Variants in ARSF observed in about 807,000 individuals in gnomAD.
ARSF encodes arylsulfatase F.
ARSF carries 33 observed loss-of-function variants against 35.4 expected under a neutral mutation model. The observed-to-expected ratio is 0.93, with a 90% CI of 0.71 to 1.25. The LOEUF is 1.25. Ranked by LOEUF, ARSF falls within the 50% of genes most tolerant of loss-of-function variation. ARSF has a pLI of 0.00. For missense variants in ARSF, 501 were observed against 480.2 expected (o/e 1.04, Z -0.40); for synonymous variants, 222 against 193.1 (o/e 1.15, Z -1.24).
intron 7 of ARSF, among the ~76,000 whole-genome samples, chrX:3,091,564 T>G (rs948504224): frequency 8.9e-6 from 1 of 112,732 alleles, no homozygotes; most frequent in Admixed American, 9.4e-5. Flanking sequence ...AGAAAGACGC[T>G]TTGGAAAATT....
At chrX:3,098,604 G>A (rs1316464654) in intron 7 of ARSF, among the ~76,000 whole-genome samples, 3 of 110,944 alleles carry the variant, frequency 2.7e-5, no homozygotes, top group Admixed American at 9.7e-5. Flanking sequence ...GTCTGCCACC[G>A]TGTAAGATGT....
chrX:3,093,425 T>A (rs780214257), intron 7 of ARSF, among the ~76,000 whole-genome samples: 9 of 111,218 alleles, frequency 8.1e-5, no homozygotes, highest in Non-Finnish European at 1.7e-4. Context: ...CCTTCTCCCC[T>A]TTTGGAGTCC....
chrX:3,086,379 A>G (rs940867187), intron 6 of ARSF, among the ~76,000 whole-genome samples: 3 of 112,502 alleles, frequency 2.7e-5, no homozygotes, highest in African/African-American at 9.7e-5. Flanking sequence ...ACAATAACAC[A>G]ATATTGAATG....
chrX:3,093,161 T>A (rs185191412), intron 7 of ARSF, among the ~76,000 whole-genome samples: 5 of 111,340 alleles, frequency 4.5e-5, no homozygotes, highest in Non-Finnish European at 7.5e-5. Flanking sequence ...CGAGACTCCG[T>A]CTCAAAAGAA....
chrX:3,046,744 A>C (rs1254510800), intron 1 of ARSF, among the ~76,000 whole-genome samples: 1 of 111,319 alleles, frequency 9.0e-6, no homozygotes, highest in African/African-American at 3.3e-5. Context: ...AAAGCTTCCT[A>C]CACAAGGAAA....
intron 1 of ARSF, among the ~76,000 whole-genome samples, chrX:3,048,179 C>A (rs1212629717): frequency 9.0e-6 from 1 of 111,713 alleles, no homozygotes. Flanking sequence ...AACTATATCA[C>A]CGAGGTCATA....
At chrX:3,070,529 CT>C (rs997629682) in intron 2 of ARSF, among the ~76,000 whole-genome samples, 3 of 111,345 alleles carry the variant, frequency 2.7e-5, no homozygotes, top group African/African-American at 9.8e-5. Context: ...TGATTTGCCC[CT>C]GAGTACGTGT....
In ARSF at chrX:3,080,859, A is replaced by G. The variant is rs746382593; in HGVS notation, c.284-32A>G. The G allele has an allele frequency of 1.2e-5, 15 of 1,204,672 alleles. No individual in the cohort carries two copies. In the South Asian group the frequency reaches 2.7e-4, roughly 22 times the overall value. ...AAATATTCCCTCTGTAGCAACACCT[A>G]CTCATTGTACTTTTTTCCACACTAC... On this transcript the variant is annotated intron_variant, in intron 4 of 10. Transcript: ENST00000381127.
chrX:3,045,057 G>T (rs182615664), intron 1 of ARSF, among the ~76,000 whole-genome samples: 55 of 111,641 alleles, frequency 4.9e-4, no homozygotes, highest in African/African-American at 1.6e-3. Flanking sequence ...CAAAGATGTG[G>T]TTTTTGCCAA....
intron 6 of ARSF, among the ~76,000 whole-genome samples, chrX:3,089,098 T>C (rs2090269593): frequency 8.9e-6 from 1 of 112,198 alleles, no homozygotes; most frequent in African/African-American, 3.2e-5. Flanking sequence ...CATGATGTTA[T>C]GTTATCATCC....
Position 3,102,890 on chromosome X carries a change from A to G in ARSF, c.1103-872A>G, listed in dbSNP as rs185257816. On this transcript the variant is annotated intron_variant, in intron 8 of 10. Coordinates refer to ENST00000381127, the MANE Select transcript of ARSF (RefSeq NM_001201539.2). ...TAGCACCACTGCACTCCAGCCTGGC[A>G]ACAGAGCGAGACTCCATCTCAAAAA... 2.5e-3 allele frequency among the ~76,000 whole-genome samples: 269 copies of G among 109,723 alleles called. 1 individual carries two copies. Among genetic ancestry groups the G allele is most frequent in the African/African-American group, 7.2e-3 (215 of 29,680 alleles).
intron 4 of ARSF, among the ~76,000 whole-genome samples, chrX:3,079,469 T>A (rs199589967): frequency 9.3e-6 from 1 of 107,097 alleles, no homozygotes; most frequent in East Asian, 3.1e-4. Context: ...CTCAGCCTCC[T>A]GAGTAGCTGG....
intron 8 of ARSF, among the ~76,000 whole-genome samples, chrX:3,101,976 C>T (rs185308846): frequency 2.9e-3 from 328 of 111,478 alleles, no homozygotes; most frequent in Non-Finnish European, 5.4e-3. Context: ...GTCTTGGATT[C>T]GGTAGGAAAT....
chrX:3,096,455 C>T (rs2090338647), intron 7 of ARSF, among the ~76,000 whole-genome samples: 1 of 111,144 alleles, frequency 9.0e-6, no homozygotes, highest in Non-Finnish European at 1.9e-5. Flanking sequence ...GCTAAGGTAG[C>T]TCTGATTAGA....
intron 7 of ARSF, among the ~76,000 whole-genome samples, chrX:3,090,180 TTTA>T (rs754909255): frequency 2.6e-4 from 29 of 112,174 alleles, no homozygotes; most frequent in Non-Finnish European, 5.1e-4. Context: ...AAAAATAAAT[TTTA>T]TTGTGTATTT....
chrX:3,072,256 A>G (rs746453925), intron 3 of ARSF, 81 bp downstream of exon 3: 1 of 1,016,593 alleles, frequency 9.8e-7, no homozygotes, highest in East Asian at 3.2e-5. Context: ...ATCTATGTGC[A>G]AAACCAAATG....
At chrX:3,044,463 A>G (rs2089967104) in intron 1 of ARSF, among the ~76,000 whole-genome samples, 2 of 110,570 alleles carry the variant, frequency 1.8e-5, no homozygotes, top group Non-Finnish European at 3.8e-5. Flanking sequence ...TTGGACACCG[A>G]CTTCTTGTTT....
At chrX:3,077,789 T>TTTATTCTTATTA (rs1555919571) in intron 4 of ARSF, among the ~76,000 whole-genome samples, 2 of 92,225 alleles carry the variant, frequency 2.2e-5, no homozygotes, top group African/African-American at 4.0e-5. Context: ...TTTTATTTTA[T>TTTATTCTTATTA]TTATTATTAT....
At chrX:3,071,899 T>C in intron 2 of ARSF, 127 bp from the exon 3 acceptor site, 1 of 677,552 alleles carries the variant, frequency 1.5e-6, no homozygotes, top group Non-Finnish European at 2.3e-6. Flanking sequence ...GAGACACTCT[T>C]GAGCTTCAGG....
Sources: gnomAD v4.1 joint callset for allele counts (sites outside exome capture counted in the v4.1 genomes callset) on GRCh38, gnomAD v4.1.1 for gene constraint, MANE v1.5 for transcripts, NCBI Gene and HGNC (gene_info 2026-07-23, HGNC 2026-07-21) for gene names.